Variants in YWHAZ observed in about 807,000 individuals in gnomAD.
YWHAZ encodes 14-3-3 protein zeta/delta.
For synonymous variants in YWHAZ, 87 were observed against 103.6 expected, an observed-to-expected ratio of 0.84 and a Z score of 0.97; for missense variants, 79 against 284.8, an observed-to-expected ratio of 0.28 and a Z score of 5.20.
chr8:100,953,180 C>G (rs1440183960), upstream of YWHAZ: 1 of 985,472 alleles, frequency 1.0e-6, no homozygotes, highest in Non-Finnish European at 1.2e-6. Flanking sequence ...TCAGGCGTGA[C>G]CGCACGGACC....
Position 100,948,555 on chromosome 8 carries a change from G to GA in YWHAZ, c.294+40dup, listed in dbSNP as rs1218199954. On this transcript the variant is annotated intron_variant, in intron 2 of 5. Coordinates refer to ENST00000395958, the MANE Select transcript of YWHAZ (RefSeq NM_145690.3). This position sits in a 1 kb window ranked among gnomAD's most constrained non-coding sequence, Gnocchi z 4.2. Reference sequence around the variant, plus strand: ...GAGTAATGTAACTGATACTCATAGGGACCCTACAGTATAATGAAGCCAGAC... The same window carrying GA: ...GAGTAATGTAACTGATACTCATAGGGAACCCTACAGTATAATGAAGCCAGAC... The GA allele has an allele frequency of 6.3e-7, 1 of 1,585,212 alleles. No individual in the cohort carries two copies. The highest frequency in any genetic ancestry group is 2.2e-5 in the East Asian group (1 of 44,628).
At chr8:100,935,446 T>C (rs1023926141) in intron 2 of YWHAZ, among the ~76,000 whole-genome samples, 7 of 152,200 alleles carry the variant, frequency 4.6e-5, no homozygotes, top group East Asian at 3.8e-4. Context: ...CAAAACCTGA[T>C]AGAAATTCAG....
Position 100,918,704 on chromosome 8 carries a change from C to T in YWHAZ, c.*1989G>A, listed in dbSNP as rs1450894767. The T allele has an allele frequency of 2.3e-4, 35 of 152,182 alleles. No individual in the cohort carries two copies. Among genetic ancestry groups the T allele is most frequent in the Admixed American group, 2.3e-3 (35 of 15,232 alleles). The allele number at this position is 152,182 out of a possible 1,614,324, so 9.4% of individuals were successfully genotyped here. On this transcript the variant is annotated 3_prime_UTR_variant, in exon 6 of 6. Transcript: ENST00000395958. ...AGTGTTTGGGATTTCAGTTTCTCAC[C>T]CTTATCATCAAGACTCACTGCCTCC... is the stretch of plus-strand genomic sequence containing the variant.
chr8:100,949,025 T>C, intron 1 of YWHAZ, 125 bp from the exon 2 acceptor site: 2 of 1,151,758 alleles, frequency 1.7e-6, no homozygotes, highest in South Asian at 1.6e-5. Context: ...ACTGTTCACA[T>C]GAGGAATTAA....
chr8:100,934,040 C>G (rs1318861877), intron 2 of YWHAZ, among the ~76,000 whole-genome samples: 1 of 151,274 alleles, frequency 6.6e-6, no homozygotes, highest in Non-Finnish European at 1.5e-5. Context: ...CACCTGTAAT[C>G]CCAGCTACTT....
intron 2 of YWHAZ, among the ~76,000 whole-genome samples, chr8:100,927,963 C>G (rs543513073): frequency 3.9e-4 from 60 of 152,334 alleles, no homozygotes; most frequent in African/African-American, 1.3e-3. Flanking sequence ...GCAAGTGTTT[C>G]TGGTGAGATG....
At chr8:100,949,018 G>C in intron 1 of YWHAZ, 118 bp from the exon 2 acceptor site, 1 of 1,174,464 alleles carries the variant, frequency 8.5e-7, no homozygotes, top group Non-Finnish European at 1.2e-6. Flanking sequence ...GTGAAAGACT[G>C]TTCACATGAG....
At position 100,924,758 on chromosome 8, in the gene YWHAZ, TGAG is replaced by T. The variant is rs1813245772; in HGVS notation, c.418+155_418+157del. ...AAGCATTTATTTTAGAATAGCAGTATGAGGCAGTAGATGTGTATTCTCAGAACA... is the reference window on the plus strand; with the variant it reads ...AAGCATTTATTTTAGAATAGCAGTATGCAGTAGATGTGTATTCTCAGAACA... On this transcript the variant is annotated intron_variant, in intron 3 of 5. Coordinates refer to ENST00000395958, the MANE Select transcript of YWHAZ (RefSeq NM_145690.3). The surrounding 1 kb of genome is among the most constrained non-coding windows in gnomAD (Gnocchi z 5.7). 6.6e-6 allele frequency among the ~76,000 whole-genome samples: 1 copy of T among 152,232 alleles called. No individual in the cohort carries two copies. The highest frequency in any genetic ancestry group is 2.4e-5 in the African/African-American group (1 of 41,460).
At chr8:100,934,398 A>C (rs1341195025) in intron 2 of YWHAZ, among the ~76,000 whole-genome samples, 11 of 151,442 alleles carry the variant, frequency 7.3e-5, no homozygotes, top group Admixed American at 7.2e-4. Flanking sequence ...TACTATACAG[A>C]CATTAAGAGT....
At position 100,938,444 on chromosome 8, in the gene YWHAZ, A is replaced by C. The variant is rs970339005; in HGVS notation, c.294+10152T>G. Among the ~76,000 whole-genome samples, 6 of 152,346 alleles carry C rather than the reference A, an allele frequency of 3.9e-5. No homozygotes were observed. In the South Asian group the frequency reaches 1.2e-3, roughly 32 times the overall value. ...TCTGTATACTTAAACATATTTCTACAAATCTATAAATTATGTAAAACTCCC... is the reference window on the plus strand; with the variant it reads ...TCTGTATACTTAAACATATTTCTACCAATCTATAAATTATGTAAAACTCCC... On this transcript the variant is annotated intron_variant, in intron 2 of 5. Transcript: ENST00000395958.
Position 100,950,725 on chromosome 8 carries a change from G to A in YWHAZ, c.-12+1204C>T, listed in dbSNP as rs567030546. 5.3e-5 allele frequency among the ~76,000 whole-genome samples: 8 copies of A among 151,098 alleles called. No homozygotes were observed. In the East Asian group the frequency reaches 9.8e-4, roughly 19 times the overall value. On this transcript the variant is annotated intron_variant, in intron 1 of 5. Transcript: ENST00000395958. The stretch of plus-strand genomic sequence containing the variant: ...GGCAGAGACGCCACAGCAGCCCGCA[G>A]AAGCGGAACCACTACCAGCCCCGCC...
At chr8:100,939,182 C>A (rs958916146) in intron 2 of YWHAZ, among the ~76,000 whole-genome samples, 2 of 152,158 alleles carry the variant, frequency 1.3e-5, no homozygotes, top group Non-Finnish European at 2.9e-5. Context: ...AAGATACCTA[C>A]ACTAAACAAT....
chr8:100,945,408 T>C (rs1810193402), intron 2 of YWHAZ, among the ~76,000 whole-genome samples: 2 of 152,294 alleles, frequency 1.3e-5, no homozygotes, highest in South Asian at 4.1e-4. Context: ...TTCATAGCTA[T>C]TATAAAATAG....
intron 2 of YWHAZ, among the ~76,000 whole-genome samples, chr8:100,936,561 G>A (rs768068687): frequency 2.6e-5 from 4 of 152,106 alleles, no homozygotes; most frequent in Non-Finnish European, 5.9e-5. Context: ...CACTCCTTGG[G>A]AGGCTAAGGC....
intron 2 of YWHAZ, among the ~76,000 whole-genome samples, chr8:100,942,210 A>G (rs569815834): frequency 6.6e-6 from 1 of 152,320 alleles, no homozygotes; most frequent in East Asian, 1.9e-4. Context: ...AGCTATATTC[A>G]TCCACATGGC....
chr8:100,950,652 A>C, intron 1 of YWHAZ: 35 of 862,162 alleles, frequency 4.1e-5, no homozygotes, highest in South Asian at 5.6e-5. Flanking sequence ...CCCCCGCCCA[A>C]GCCGTGGGGG....
Position 100,917,332 on chromosome 8 carries a change from A to T in YWHAZ, c.*3361T>A, listed in dbSNP as rs1300641694. 2 of 152,182 alleles carry T rather than the reference A, an allele frequency of 1.3e-5. No individual in the cohort carries two copies. The highest frequency in any genetic ancestry group is 2.9e-5 in the Non-Finnish European group (2 of 68,056). 9.4% of individuals were successfully genotyped at this position (152,182 alleles called of 1,614,324 possible). A position where few individuals can be genotyped will look rare whatever the true frequency, so the allele number is the denominator to read the frequency against. ...ACAGCTGTTAACTGGAAAAACAAAG[A>T]CCATAAGCCAGAGCTGCAGGAAAGC... is the stretch of plus-strand genomic sequence containing the variant. On this transcript the variant is annotated 3_prime_UTR_variant, in exon 6 of 6. Coordinates refer to ENST00000395958, the MANE Select transcript of YWHAZ (RefSeq NM_145690.3).
rs201226683 is a variant in YWHAZ, at chr8:100,925,757, CAAT to C, written c.295-721_295-719del. Reference sequence around the variant, plus strand: ...AAAATTCTGTCTAAAACTACTATTACAATCTGAGTCATTTGATTAGGATTTTAA... The same window carrying C: ...AAAATTCTGTCTAAAACTACTATTACCTGAGTCATTTGATTAGGATTTTAA... On this transcript the variant is annotated intron_variant, in intron 2 of 5. Coordinates refer to ENST00000395958, the MANE Select transcript of YWHAZ (RefSeq NM_145690.3). Among the ~76,000 whole-genome samples the C allele has an allele frequency of 9.4e-3, 1,425 of 152,252 alleles. 20 individuals carry two copies. The highest frequency in any genetic ancestry group is 0.031 in the African/African-American group (1,301 of 41,548).
At chr8:100,952,820 C>A, upstream of YWHAZ, 1 of 1,000,516 alleles carries the variant, frequency 1.0e-6, no homozygotes, top group Non-Finnish European at 1.2e-6. Flanking sequence ...GCGGCCCCTC[C>A]CGGCCTCCCT....
Sources: gnomAD v4.1 joint callset for allele counts (sites outside exome capture counted in the v4.1 genomes callset) on GRCh38, gnomAD v4.1.1 for gene constraint, Gnocchi (gnomAD v3.1) non-coding constraint, MANE v1.5 for transcripts, NCBI Gene and HGNC (gene_info 2026-07-23, HGNC 2026-07-21) for gene names.